The following PCDHA3 variants were observed in gnomAD, a reference collection of about 807,000 sequenced individuals.
The protein encoded by PCDHA3 is protocadherin alpha 3, also known as protocadherin alpha-3.
PCDHA3 carries 41 observed loss-of-function variants against 62.2 expected under a neutral mutation model. The observed-to-expected ratio is 0.66, with a 90% CI of 0.51 to 0.86. PCDHA3 has a LOEUF of 0.86. Among genes scored for constraint, PCDHA3 ranks in the 40% least tolerant of loss-of-function variants. PCDHA3 has a pLI of 0.00. For synonymous variants in PCDHA3, 640 were observed against 555.4 expected, an observed-to-expected ratio of 1.15 and a Z score of -2.14; for missense variants, 1,304 against 1,241.2, an observed-to-expected ratio of 1.05 and a Z score of -0.76.
In PCDHA3 at chr5:140,982,461, G is replaced by A. The variant is rs765899879; in HGVS notation, c.2454-14G>A. The A allele has an allele frequency of 4.7e-5, 76 of 1,614,088 alleles. No individual in the cohort carries two copies. The highest frequency in any genetic ancestry group is 5.8e-5 in the Non-Finnish European group (68 of 1,180,014). On this transcript the variant is annotated splice_polypyrimidine_tract_variant and intron_variant, in intron 2 of 3. Coordinates refer to ENST00000522353, the MANE Select transcript of PCDHA3 (RefSeq NM_018906.3). ...TATGATCTAACCGTTATCTGGGTCTGTGTGTTTATTCAGCTCTGTGCACCT... is the reference window on the plus strand; with the variant it reads ...TATGATCTAACCGTTATCTGGGTCTATGTGTTTATTCAGCTCTGTGCACCT...
intron 1 of PCDHA3, chr5:140,853,806 A>T: frequency 4.1e-6 from 4 of 986,824 alleles, no homozygotes; most frequent in Non-Finnish European, 4.9e-6. Context: ...TTTAAAGCAC[A>T]CCTGAGATGA....
intron 1 of PCDHA3, chr5:140,843,519 G>T (rs2150361744): frequency 6.3e-7 from 1 of 1,595,904 alleles, no homozygotes; most frequent in Non-Finnish European, 8.6e-7. Context: ...GGCGGGTGCC[G>T]GGCGGGCAAG....
intron 3 of PCDHA3, among the ~76,000 whole-genome samples, chr5:140,998,872 T>C (rs1159101161): frequency 6.6e-6 from 1 of 152,202 alleles, no homozygotes; most frequent in African/African-American, 2.4e-5. Flanking sequence ...TTGTAAATAA[T>C]AAGTTTAGTT....
Position 140,892,963 on chromosome 5 carries a change from A to C in PCDHA3, c.2395-85986A>C, listed in dbSNP as rs138089244. Among the ~76,000 whole-genome samples, 29 of 152,284 alleles carry C rather than the reference A, an allele frequency of 1.9e-4. No individual in the cohort carries two copies. In the East Asian group the frequency reaches 5.6e-3, roughly 29 times the overall value. ...ACAATACTACTTCCATGAGCTCAAT[A>C]AAATTTTGTAGCTGCCGTATAAGTG... On this transcript the variant is annotated intron_variant, in intron 1 of 3. Transcript: ENST00000522353.
Position 140,988,605 on chromosome 5 carries a change from A to G in PCDHA3, c.2542+6042A>G, listed in dbSNP as rs558232011. Among the ~76,000 whole-genome samples, 7 of 152,332 alleles carry G rather than the reference A, an allele frequency of 4.6e-5. No homozygotes were observed. In the East Asian group the frequency reaches 1.2e-3, roughly 25 times the overall value. On this transcript the variant is annotated intron_variant, in intron 3 of 3. Coordinates refer to ENST00000522353, the MANE Select transcript of PCDHA3 (RefSeq NM_018906.3). ...TTCCACTTTTAATGGTCATGTAAAT[A>G]AAAGACTAGAATGGAGATGTCCTGG...
At chr5:140,856,650 G>T in intron 1 of PCDHA3, 1 of 1,598,142 alleles carries the variant, frequency 6.3e-7, no homozygotes, top group Admixed American at 1.7e-5. Context: ...CTGCTGGATC[G>T]TGAAGAAAAT....
chr5:140,858,481 T>C (rs782180300), intron 1 of PCDHA3: 5 of 1,507,736 alleles, frequency 3.3e-6, no homozygotes, highest in Non-Finnish European at 4.5e-6. Flanking sequence ...TTATGAATAA[T>C]ATTTTCTCTT....
At chr5:141,000,538 A>C (rs31871) in intron 3 of PCDHA3, among the ~76,000 whole-genome samples, 70,673 of 145,962 alleles carry the variant, frequency 0.48, 18,171 homozygotes, top group African/African-American at 0.68. Flanking sequence ...AGTGATTCTC[A>C]TGCCTCAAAC....
intron 3 of PCDHA3, among the ~76,000 whole-genome samples, chr5:141,005,619 G>A (rs996010701): frequency 6.8e-5 from 10 of 146,082 alleles, no homozygotes; most frequent in South Asian, 2.2e-4. Flanking sequence ...GGAGAATGGC[G>A]TGAACCCGGG....
chr5:140,897,947 T>A (rs1276045551), intron 1 of PCDHA3, among the ~76,000 whole-genome samples: 1 of 152,168 alleles, frequency 6.6e-6, no homozygotes, highest in Non-Finnish European at 1.5e-5. Context: ...CAGTGATGAT[T>A]AGCATTTTTT....
At chr5:140,852,947 T>C in intron 1 of PCDHA3, 2 of 520,496 alleles carry the variant, frequency 3.8e-6, no homozygotes, top group Non-Finnish European at 2.5e-6. Flanking sequence ...GGTGCCATCT[T>C]GGCTCACTCC....
At chr5:140,976,753 G>A (rs2096729890) in intron 1 of PCDHA3, among the ~76,000 whole-genome samples, 1 of 152,130 alleles carries the variant, frequency 6.6e-6, no homozygotes. Context: ...CCTCCCAGAT[G>A]CCAGAAGCCT....
intron 1 of PCDHA3, among the ~76,000 whole-genome samples, chr5:140,974,881 C>A (rs191346198): frequency 6.6e-6 from 1 of 152,228 alleles, no homozygotes; most frequent in African/African-American, 2.4e-5. Flanking sequence ...GTCTATGTAT[C>A]CCTTTTCTGA....
At chr5:140,853,407 GA>G (rs1453850147) in intron 1 of PCDHA3, 1 of 986,146 alleles carries the variant, frequency 1.0e-6, no homozygotes, top group African/African-American at 1.8e-5. Flanking sequence ...TCAAAACAGA[GA>G]GGTGAAAGCA....
chr5:140,827,934 A>G (rs2150149860), intron 1 of PCDHA3: 1 of 1,010,264 alleles, frequency 9.9e-7, no homozygotes, highest in Admixed American at 2.3e-5. Flanking sequence ...ATGAAGTTAT[A>G]GCTAGCCAAC....
chr5:140,805,314 TC>T, intron 1 of PCDHA3: 1 of 1,275,330 alleles, frequency 7.8e-7, no homozygotes, highest in East Asian at 3.4e-5. Flanking sequence ...CCTCCTTTTT[TC>T]CAATGTGCTT....
At chr5:140,807,475 C>A (rs1554124044) in intron 1 of PCDHA3, 4 of 1,612,816 alleles carry the variant, frequency 2.5e-6, no homozygotes, top group Non-Finnish European at 3.4e-6. Flanking sequence ...AGGAGCTGTG[C>A]CGGCGGAGCG....
chr5:140,823,576 G>T (rs2150127070), intron 1 of PCDHA3: 2 of 1,613,976 alleles, frequency 1.2e-6, no homozygotes, highest in Non-Finnish European at 1.7e-6. Context: ...CCCTGATTCG[G>T]GCTACAACGC....
At chr5:140,993,078 A>G (rs1373767899) in intron 3 of PCDHA3, among the ~76,000 whole-genome samples, 2 of 152,212 alleles carry the variant, frequency 1.3e-5, no homozygotes, top group Non-Finnish European at 2.9e-5. Flanking sequence ...GCAGTCTGCA[A>G]TCAGCAGGGC....
Sources: allele counts gnomAD v4.1 joint callset (sites outside exome capture counted in the v4.1 genomes callset), GRCh38; gene constraint gnomAD v4.1.1; transcripts MANE v1.5; gene names NCBI Gene and HGNC (gene_info 2026-07-23, HGNC 2026-07-21).